The following PDK1 variants were observed in gnomAD, a reference collection of about 807,000 sequenced individuals.
PDK1 encodes pyruvate dehydrogenase kinase 1.
PDK1 carries 39 observed loss-of-function variants against 54.2 expected under a neutral mutation model. The observed-to-expected ratio is 0.72, with a 90% confidence interval of 0.56 to 0.94. The LOEUF is 0.94. PDK1 is among the 40% of genes least tolerant of loss of function. The probability of loss-of-function intolerance (pLI) is 0.00; values close to 1 mark genes in which losing one functional copy is unlikely to be tolerated. For synonymous variants in PDK1, 221 were observed against 207.1 expected (o/e 1.07, Z -0.58); for missense variants, 552 against 566.0 (o/e 0.98, Z 0.25).
chr2:172,567,867 T>C (rs1254328689), intron 6 of PDK1, among the ~76,000 whole-genome samples: 1 of 152,242 alleles, frequency 6.6e-6, no homozygotes, highest in East Asian at 1.9e-4. Flanking sequence ...GTCTGTTTTA[T>C]ACACACCCCT....
the PDK1 span, among the ~76,000 whole-genome samples, chr2:172,687,580 C>T: frequency 6.6e-6 from 1 of 152,168 alleles, no homozygotes; most frequent in Non-Finnish European, 1.5e-5. Context: ...CCCTACCCCC[C>T]AACTTCAGCT....
the PDK1 span, among the ~76,000 whole-genome samples, chr2:172,714,730 A>C: frequency 5.3e-5 from 8 of 152,140 alleles, no homozygotes; most frequent in Non-Finnish European, 7.4e-5. Context: ...TGTATTACTT[A>C]TTGCTAGAAT....
intron 2 of PDK1, among the ~76,000 whole-genome samples, chr2:172,561,211 T>A (rs1298218870): frequency 6.6e-6 from 1 of 152,228 alleles, no homozygotes; most frequent in African/African-American, 2.4e-5. Context: ...TTTTTGAAGC[T>A]TATCAGTCAT....
chr2:172,699,578 A>G, the PDK1 span, among the ~76,000 whole-genome samples: 6 of 151,458 alleles, frequency 4.0e-5, no homozygotes, highest in Admixed American at 2.6e-4. Context: ...GGACTCAGGT[A>G]ATTGCGACCG....
the PDK1 span, among the ~76,000 whole-genome samples, chr2:172,702,644 G>T: frequency 6.7e-6 from 1 of 148,864 alleles, no homozygotes; most frequent in East Asian, 2.0e-4. Flanking sequence ...GCTTCCAAGA[G>T]CAAAGCAGCC....
the PDK1 span, among the ~76,000 whole-genome samples, chr2:172,707,069 G>A: frequency 6.6e-6 from 1 of 152,104 alleles, no homozygotes; most frequent in African/African-American, 2.4e-5. Flanking sequence ...ACTGGGCACG[G>A]GCAGAAGTTC....
the PDK1 span, among the ~76,000 whole-genome samples, chr2:172,688,969 C>A: frequency 6.6e-6 from 1 of 151,768 alleles, no homozygotes; most frequent in East Asian, 1.9e-4. Flanking sequence ...TAAAGGTGGC[C>A]CGGACCCAAA....
chr2:172,711,416 G>A, the PDK1 span, among the ~76,000 whole-genome samples: 2 of 152,260 alleles, frequency 1.3e-5, no homozygotes, highest in Non-Finnish European at 2.9e-5. Context: ...GTTTAGGTCC[G>A]CAGGAAATGC....
chr2:172,622,711 ATG>A, the PDK1 span, among the ~76,000 whole-genome samples: 1 of 121,712 alleles, frequency 8.2e-6, no homozygotes, highest in South Asian at 2.5e-4. Context: ...CTCATATATT[ATG>A]TGAGATATGT....
At chr2:172,645,516 C>T in the PDK1 span, among the ~76,000 whole-genome samples, 1 of 152,030 alleles carries the variant, frequency 6.6e-6, no homozygotes, top group Non-Finnish European at 1.5e-5. Context: ...GCCTTGGCCT[C>T]CTAAAATGCT....
At chr2:172,564,710 G>A (rs1487175418) in intron 4 of PDK1, 23 bp downstream of exon 4, 1 of 1,578,644 alleles carries the variant, frequency 6.3e-7, no homozygotes, top group Non-Finnish European at 8.7e-7. Flanking sequence ...CATGAGTCAA[G>A]AGAAGAAGCT....
the PDK1 span, among the ~76,000 whole-genome samples, chr2:172,682,330 T>G: frequency 1.7e-3 from 252 of 152,338 alleles, 1 homozygote; most frequent in Non-Finnish European, 2.5e-3. Flanking sequence ...TGGAAGCCCC[T>G]CTCAGGGTTT....
chr2:172,594,877 C>G (rs1690804412), intron 10 of PDK1, among the ~76,000 whole-genome samples: 1 of 152,006 alleles, frequency 6.6e-6, no homozygotes, highest in Non-Finnish European at 1.5e-5. Flanking sequence ...AGCTGAAATA[C>G]AATGGAGAAT....
the PDK1 span, among the ~76,000 whole-genome samples, chr2:172,704,381 C>T: frequency 5.3e-5 from 8 of 152,136 alleles, no homozygotes; most frequent in Admixed American, 3.9e-4. Context: ...GTCCATGTGT[C>T]AGAATGACTG....
In PDK1 at chr2:172,597,407, A is replaced by G. The variant is rs1256555368; in HGVS notation, c.*1438A>G. 1.3e-5 allele frequency: 2 copies of G among 152,212 alleles called. No homozygotes were observed. Among genetic ancestry groups the G allele is most frequent in the African/African-American group, 4.8e-5 (2 of 41,458 alleles). The allele number at this position is 152,212 out of a possible 1,614,324, so 9.4% of individuals were successfully genotyped here. A position where few individuals can be genotyped will look rare whatever the true frequency, so the allele number is the denominator to read the frequency against. ...AGGCGTGAGCCACCACACATGGCCT[A>G]TTGCACAAGTCTTGACAAACAACAT... On this transcript the variant is annotated 3_prime_UTR_variant, in exon 11 of 11. Coordinates refer to ENST00000282077, the MANE Select transcript of PDK1 (RefSeq NM_002610.5).
chr2:172,560,868 A>C (rs1688619108), intron 2 of PDK1, among the ~76,000 whole-genome samples: 2 of 152,250 alleles, frequency 1.3e-5, no homozygotes. Flanking sequence ...TGCTTCAAAC[A>C]AATGAGTTGC....
At chr2:172,587,192 C>T (rs1015383824) in intron 9 of PDK1, among the ~76,000 whole-genome samples, 4 of 152,182 alleles carry the variant, frequency 2.6e-5, no homozygotes, top group African/African-American at 7.2e-5. Context: ...AATGAAGCTG[C>T]GGACCCTCGC....
chr2:172,621,908 TA>T, the PDK1 span, among the ~76,000 whole-genome samples: 1 of 146,032 alleles, frequency 6.8e-6, no homozygotes, highest in African/African-American at 2.5e-5. Flanking sequence ...GATATATGTT[TA>T]TATCTCCTAT....
At chr2:172,680,556 C>T in the PDK1 span, among the ~76,000 whole-genome samples, 4 of 152,040 alleles carry the variant, frequency 2.6e-5, no homozygotes, top group South Asian at 2.1e-4. Context: ...GTGGTAGAGA[C>T]GGGGTCTAGC....
Sources: gnomAD v4.1 joint callset for allele counts (sites outside exome capture counted in the v4.1 genomes callset) on GRCh38, gnomAD v4.1.1 for gene constraint, MANE v1.5 for transcripts, NCBI Gene and HGNC (gene_info 2026-07-23, HGNC 2026-07-21) for gene names.